FAM193A: variants seen among roughly 807,000 people sequenced by gnomAD.
FAM193A encodes protein FAM193A.
In FAM193A, 22 loss-of-function variants were observed where a neutral mutation model predicts 126.5. The observed-to-expected ratio is 0.17, with a 90% CI of 0.12 to 0.25. The LOEUF (loss-of-function observed/expected upper bound fraction) is 0.25, where lower values mean the gene tolerates loss of function less well. Among genes scored for constraint, FAM193A ranks in the 10% least tolerant of loss-of-function variants. The pLI is 1.00. For synonymous variants in FAM193A, 761 were observed against 646.8 expected, an observed-to-expected ratio of 1.18 and a Z score of -2.68; for missense variants, 1,675 against 1,672.8, an observed-to-expected ratio of 1.00 and a Z score of -0.02.
chr4:2,582,023 C>G (rs935668043), intron 1 of FAM193A, among the ~76,000 whole-genome samples: 1 of 152,046 alleles, frequency 6.6e-6, no homozygotes, highest in Non-Finnish European at 1.5e-5. Context: ...TTTTTTCTTT[C>G]AAGATTTTAG....
At chr4:2,579,714 A>C (rs1445437700) in intron 1 of FAM193A, among the ~76,000 whole-genome samples, 1 of 141,104 alleles carries the variant, frequency 7.1e-6, no homozygotes, top group Admixed American at 6.9e-5. Context: ...CAAAACAAAA[A>C]AAAACAGTGA....
intron 1 of FAM193A, among the ~76,000 whole-genome samples, chr4:2,581,255 CTTTTTTT>C (rs34915273): frequency 1.5e-5 from 2 of 135,916 alleles, no homozygotes; most frequent in African/African-American, 5.4e-5. Context: ...TTCTTTCTTT[CTTTTTTT>C]TTTTTTTTGG....
intron 2 of FAM193A, among the ~76,000 whole-genome samples, chr4:2,618,390 C>T (rs1249897431): frequency 1.3e-5 from 2 of 151,894 alleles, no homozygotes; most frequent in African/African-American, 4.8e-5. Flanking sequence ...ATGCTTTGTC[C>T]ATTTTTTCAG....
intron 1 of FAM193A, among the ~76,000 whole-genome samples, chr4:2,552,495 A>G (rs116334812): frequency 0.018 from 2,672 of 151,764 alleles, 62 homozygotes; most frequent in African/African-American, 0.052. Context: ...TCTCTGAGCC[A>G]TACTTAAGCT....
chr4:2,661,546 T>C (rs1322770557), intron 10 of FAM193A, among the ~76,000 whole-genome samples: 1 of 152,198 alleles, frequency 6.6e-6, no homozygotes, highest in African/African-American at 2.4e-5. Context: ...CCAGGTGCAG[T>C]GGGCCTGCAG....
chr4:2,627,159 C>CTTT (rs11385994), intron 4 of FAM193A, among the ~76,000 whole-genome samples: 87 of 126,280 alleles, frequency 6.9e-4, no homozygotes, highest in African/African-American at 1.4e-3. Flanking sequence ...TTTGATGTAA[C>CTTT]TTTTTTTTTT....
At chr4:2,631,459 G>T (rs963795916) in intron 5 of FAM193A, among the ~76,000 whole-genome samples, 2 of 152,138 alleles carry the variant, frequency 1.3e-5, no homozygotes, top group Non-Finnish European at 2.9e-5. Context: ...CAGTGTGAGG[G>T]GAGCACTGAT....
At chr4:2,682,559 C>T (rs544670060) in intron 13 of FAM193A, among the ~76,000 whole-genome samples, 1 of 152,268 alleles carries the variant, frequency 6.6e-6, no homozygotes, top group Non-Finnish European at 1.5e-5. Flanking sequence ...TTAATATCAG[C>T]CATGTTTGTA....
chr4:2,594,315 T>C (rs1170681342), intron 1 of FAM193A, among the ~76,000 whole-genome samples: 4 of 152,208 alleles, frequency 2.6e-5, no homozygotes, highest in African/African-American at 9.6e-5. Context: ...CAATCCGTTA[T>C]GTACAGTGGG....
chr4:2,583,846 A>G (rs776955368), intron 1 of FAM193A, among the ~76,000 whole-genome samples: 4 of 152,210 alleles, frequency 2.6e-5, no homozygotes, highest in Non-Finnish European at 5.9e-5. Flanking sequence ...AGAAACAGTC[A>G]TGGATATGAA....
At chr4:2,692,658 A>G (rs231707) in intron 15 of FAM193A, among the ~76,000 whole-genome samples, 124,349 of 152,156 alleles carry the variant, frequency 0.82, 50,984 homozygotes, top group Middle Eastern at 0.89. Flanking sequence ...GCAGACAGGT[A>G]GCCTATTAAA....
chr4:2,611,154 C>G (rs527707059), intron 2 of FAM193A, among the ~76,000 whole-genome samples: 5 of 152,132 alleles, frequency 3.3e-5, no homozygotes, highest in South Asian at 2.1e-4. Context: ...TATGAGAGGT[C>G]CAGTTGATCT....
intron 13 of FAM193A, among the ~76,000 whole-genome samples, chr4:2,676,703 A>G (rs1193568741): frequency 1.3e-5 from 2 of 152,026 alleles, no homozygotes; most frequent in Non-Finnish European, 2.9e-5. Context: ...AGCACTTTGG[A>G]AGGCCGAGGC....
At chr4:2,686,925 G>A (rs1218334166) in intron 13 of FAM193A, among the ~76,000 whole-genome samples, 1 of 152,188 alleles carries the variant, frequency 6.6e-6, no homozygotes, top group Non-Finnish European at 1.5e-5. Context: ...TTGTAGAAAT[G>A]GGTATCTATT....
At chr4:2,640,702 G>A (rs1045327245) in intron 6 of FAM193A, among the ~76,000 whole-genome samples, 4 of 152,152 alleles carry the variant, frequency 2.6e-5, no homozygotes, top group East Asian at 1.9e-4. Context: ...GGTGGCTCAC[G>A]CCTGTAATTC....
intron 2 of FAM193A, among the ~76,000 whole-genome samples, chr4:2,623,778 A>G (rs1157681470): frequency 6.6e-6 from 1 of 152,146 alleles, no homozygotes; most frequent in Non-Finnish European, 1.5e-5. Context: ...AGGAGAGCAC[A>G]CTTTTCCTTG....
At chr4:2,605,970 CAAAAAAAAAAAAAAAAA>C (rs1160026686) in intron 2 of FAM193A, among the ~76,000 whole-genome samples, 1 of 31,892 alleles carries the variant, frequency 3.1e-5, no homozygotes, top group Non-Finnish European at 5.5e-5. Flanking sequence ...GACTCTGTCT[CAAAAAAAAAAAAAAAAA>C]AAAAAAAAAA....
In FAM193A at chr4:2,699,440, C is replaced by G. The variant is rs1230656760; in HGVS notation, c.3508-240C>G. On this transcript the variant is annotated intron_variant, in intron 18 of 20. Coordinates refer to ENST00000637812, the MANE Select transcript of FAM193A (RefSeq NM_001366318.2). ...GGGAATTTTTTGTTAACTACCACCC[C>G]CCCCCCCACACACACACACACAAAT... 6.0e-5 allele frequency among the ~76,000 whole-genome samples: 5 copies of G among 83,716 alleles called. 1 individual carries two copies. The highest frequency in any genetic ancestry group is 1.4e-4 in the Admixed American group (1 of 6,994). The allele number at this position is 83,716 out of a possible 152,430, so 54.9% of individuals were successfully genotyped here.
At chr4:2,665,723 C>T (rs1713033728) in intron 12 of FAM193A, among the ~76,000 whole-genome samples, 1 of 152,238 alleles carries the variant, frequency 6.6e-6, no homozygotes, top group Non-Finnish European at 1.5e-5. Context: ...GAGAGGGTCT[C>T]ACTATGTTGC....
Sources: allele counts gnomAD v4.1 joint callset (sites outside exome capture counted in the v4.1 genomes callset), GRCh38; gene constraint gnomAD v4.1.1; transcripts MANE v1.5; gene names NCBI Gene and HGNC (gene_info 2026-07-23, HGNC 2026-07-21).